The following TLE3 variants were observed in gnomAD, a reference collection of about 807,000 sequenced individuals.
The protein encoded by TLE3 is transducin-like enhancer protein 3.
Under a neutral mutation model 93.0 loss-of-function variants are expected in TLE3, and 14 were observed. The observed-to-expected ratio is 0.15, with a 90% CI of 0.10 to 0.24. The LOEUF (loss-of-function observed/expected upper bound fraction) is 0.24. Among genes scored for constraint, TLE3 ranks in the 10% least tolerant of loss-of-function variants. The pLI is 1.00. For missense variants in TLE3, 693 were observed against 1,046.6 expected, an observed-to-expected ratio of 0.66 and a Z score of 4.66; for synonymous variants, 451 against 425.0, an observed-to-expected ratio of 1.06 and a Z score of -0.75.
Position 70,052,324 on chromosome 15 carries a change from C to T in TLE3, c.2125+50G>A, listed in dbSNP as rs1353088963. 3 of 1,595,366 alleles carry T rather than the reference C, an allele frequency of 1.9e-6. No homozygotes were observed. In the South Asian group the frequency reaches 3.3e-5, roughly 18 times the overall value. ...CTTCTGTCCTGTTGGGCCAGGCTGC[C>T]CTGGGTTCCCCACCCCACTCCATCA... is the stretch of plus-strand genomic sequence containing the variant. On this transcript the variant is annotated intron_variant, in intron 18 of 19. Coordinates refer to ENST00000451782, the MANE Select transcript of TLE3 (RefSeq NM_001105192.3).
At chr15:70,075,606 C>T (rs61999939) in intron 5 of TLE3, among the ~76,000 whole-genome samples, 36,804 of 152,128 alleles carry the variant, frequency 0.24, 5,504 homozygotes, top group Admixed American at 0.37. Flanking sequence ...TCTGTCTGGT[C>T]GGCACCAGGG....
rs200380962 is a variant in TLE3, at chr15:70,050,249, C to A, written c.2203-45G>T. Reference sequence around the variant, plus strand: ...AGAAGCAGCAGGAAGGCGTGGGGTGCAGGGAGAAAAAAGACAGGAATTCAT... The same window carrying A: ...AGAAGCAGCAGGAAGGCGTGGGGTGAAGGGAGAAAAAAGACAGGAATTCAT... On this transcript the variant is annotated intron_variant, in intron 19 of 19. Transcript: ENST00000451782. 108 of 1,467,680 alleles carry A rather than the reference C, an allele frequency of 7.4e-5. 1 individual carries two copies. The highest frequency in any genetic ancestry group is 1.7e-4 in the Admixed American group (10 of 59,216). 90.9% of individuals were successfully genotyped at this position (1,467,680 alleles called of 1,614,324 possible).
chr15:70,055,384 C>T, intron 14 of TLE3, 86 bp from the exon 15 acceptor site: 1 of 1,498,686 alleles, frequency 6.7e-7, no homozygotes, highest in Non-Finnish European at 8.9e-7. Context: ...TCTGCACTGC[C>T]CCCGACTGGC....
At position 70,058,211 on chromosome 15, in the gene TLE3, C is replaced by T. The variant is rs766370700; in HGVS notation, c.999G>A (p.Thr333=). The T allele has an allele frequency of 1.4e-5, 22 of 1,613,734 alleles. No individual in the cohort carries two copies. Among genetic ancestry groups the T allele is most frequent in the East Asian group, 1.3e-4 (6 of 44,894 alleles). ...CCGGCATCGACCTGAGCCCTGGGGT[C>T]GTGCTGGTGCCTGGAGTTGGGGCGT... is the stretch of plus-strand genomic sequence containing the variant. ...RNDAPTPGTS[T]TPGLRSMPGK... Residue 333 remains threonine, a synonymous_variant, in exon 12 of 20, where the codon ACG becomes ACA. Coordinates refer to ENST00000451782, the MANE Select transcript of TLE3 (RefSeq NM_001105192.3). The surrounding 1 kb of genome is among the most constrained non-coding windows in gnomAD (Gnocchi z 4.1).
At chr15:70,064,831 T>C (rs2056713366) in intron 7 of TLE3, among the ~76,000 whole-genome samples, 1 of 150,614 alleles carries the variant, frequency 6.6e-6, no homozygotes, top group South Asian at 2.1e-4. Context: ...CTAGGGGTCT[T>C]AAGATCACAA....
At chr15:70,060,495 G>A in intron 9 of TLE3, 35 bp downstream of exon 9, 1 of 1,612,058 alleles carries the variant, frequency 6.2e-7, no homozygotes, top group East Asian at 2.2e-5. Context: ...CTACCCAACA[G>A]AAACCCCAGT....
intron 19 of TLE3, chr15:70,050,585 A>T (rs982763215): frequency 5.9e-6 from 1 of 170,290 alleles, no homozygotes; most frequent in African/African-American, 2.4e-5. Context: ...TCAGCAGCTC[A>T]GGCCCACAGC....
intron 9 of TLE3, 79 bp downstream of exon 9, chr15:70,060,451 G>A: frequency 6.3e-7 from 1 of 1,578,382 alleles, no homozygotes; most frequent in Non-Finnish European, 8.6e-7. Flanking sequence ...AGAAGACCCT[G>A]GCCACAGCTT....
At chr15:70,073,642 G>T (rs550729180) in intron 6 of TLE3, among the ~76,000 whole-genome samples, 1 of 152,208 alleles carries the variant, frequency 6.6e-6, no homozygotes, top group East Asian at 1.9e-4. Flanking sequence ...AAGCTCCTCC[G>T]TGGACTGGGA....
Position 70,049,781 on chromosome 15 carries a change from C to CA in TLE3, c.*315dup, listed in dbSNP as rs2055358872. On this transcript the variant is annotated 3_prime_UTR_variant, in exon 20 of 20. Transcript: ENST00000451782. ...GGGCAAAAGAAAAGGGAAGAACAAA[C>CA]AGAGACTCATGAGCGGGTCTGTGGG... is the stretch of plus-strand genomic sequence containing the variant. 3.8e-6 allele frequency: 1 copy of CA among 259,888 alleles called. No individual in the cohort carries two copies. The highest frequency in any genetic ancestry group is 2.2e-5 in the African/African-American group (1 of 46,316). The allele number at this position is 259,888 out of a possible 1,614,324, so 16.1% of individuals were successfully genotyped here.
At chr15:70,075,233 G>T (rs1021062920) in intron 5 of TLE3, among the ~76,000 whole-genome samples, 11 of 152,244 alleles carry the variant, frequency 7.2e-5, no homozygotes, top group Admixed American at 3.3e-4. Flanking sequence ...AGATTCATCA[G>T]TTTCAACAAA....
intron 19 of TLE3, 24 bp downstream of exon 19, chr15:70,051,367 G>A: frequency 1.3e-6 from 2 of 1,591,110 alleles, no homozygotes; most frequent in Non-Finnish European, 1.7e-6. Context: ...GAACCCAGAG[G>A]AGGACTCAGA....
intron 6 of TLE3, among the ~76,000 whole-genome samples, chr15:70,069,541 C>T (rs1321296487): frequency 6.6e-6 from 1 of 152,350 alleles, no homozygotes; most frequent in Middle Eastern, 3.4e-3. Flanking sequence ...AAAACTGAAG[C>T]GTTCCTCATC....
In TLE3 at chr15:70,076,165, A is replaced by T; in HGVS notation, c.235-7T>A. The T allele has an allele frequency of 6.2e-7, 1 of 1,613,892 alleles. No homozygotes were observed. The highest frequency in any genetic ancestry group is 8.5e-7 in the Non-Finnish European group (1 of 1,179,798). ...GTCTCTTCGCAATCTCTGTCTGCAA[A>T]GGCAAGGAGACCACATGAAGCTCAG... On this transcript the variant is annotated splice_region_variant and splice_polypyrimidine_tract_variant and intron_variant, in intron 4 of 19. Transcript: ENST00000451782.
chr15:70,084,524 A>AG (rs1299908544), intron 4 of TLE3, among the ~76,000 whole-genome samples: 11 of 152,220 alleles, frequency 7.2e-5, no homozygotes, highest in African/African-American at 2.7e-4. Flanking sequence ...TGATGCCTGT[A>AG]GTATGGTGGT....
chr15:70,059,171 G>T (rs1439661182), intron 10 of TLE3, among the ~76,000 whole-genome samples: 1 of 152,098 alleles, frequency 6.6e-6, no homozygotes, highest in Admixed American at 6.5e-5. Context: ...GGGATCTTTG[G>T]GGGTGTCTCT....
At chr15:70,071,880 T>A (rs2057190158) in intron 6 of TLE3, among the ~76,000 whole-genome samples, 1 of 152,190 alleles carries the variant, frequency 6.6e-6, no homozygotes, top group African/African-American at 2.4e-5. Flanking sequence ...TTCACCTTGC[T>A]TCCCAGAGGC....
rs781380113 is a variant in TLE3, at chr15:70,058,634, C to T, written c.918+29G>A. The T allele has an allele frequency of 6.4e-7, 1 of 1,557,748 alleles. No individual in the cohort carries two copies. Among genetic ancestry groups the T allele is most frequent in the Non-Finnish European group, 8.7e-7 (1 of 1,150,746 alleles). ...AGCTCCAGTCCCTGCCGCTCCCTTCCCACTCCCTTCCACCCAGACCCCACA... is the reference window on the plus strand; with the variant it reads ...AGCTCCAGTCCCTGCCGCTCCCTTCTCACTCCCTTCCACCCAGACCCCACA... On this transcript the variant is annotated intron_variant, in intron 11 of 19. Coordinates refer to ENST00000451782, the MANE Select transcript of TLE3 (RefSeq NM_001105192.3). The surrounding 1 kb of genome is among the most constrained non-coding windows in gnomAD (Gnocchi z 4.1).
chr15:70,051,269 G>A, intron 19 of TLE3, 122 bp downstream of exon 19: 1 of 964,956 alleles, frequency 1.0e-6, no homozygotes, highest in East Asian at 2.8e-5. Context: ...GGGGACCAGG[G>A]CAGGTCTGAT....
Sources: gnomAD v4.1 joint callset for allele counts (sites outside exome capture counted in the v4.1 genomes callset) on GRCh38, gnomAD v4.1.1 for gene constraint, Gnocchi (gnomAD v3.1) non-coding constraint, MANE v1.5 for transcripts, NCBI Gene and HGNC (gene_info 2026-07-23, HGNC 2026-07-21) for gene names.